The following NAXE variants were observed in gnomAD, a reference collection of about 807,000 sequenced individuals.
NAXE encodes NAD(P)HX epimerase, also known as NAD(P)H-hydrate epimerase.
In NAXE, 25 loss-of-function variants were observed where a neutral mutation model predicts 31.2. That is an observed-to-expected ratio of 0.80 (90% CI 0.58 to 1.12). The LOEUF (loss-of-function observed/expected upper bound fraction) is 1.12, where lower values mean the gene tolerates loss of function less well. Among genes scored for constraint, NAXE ranks in the 50% most tolerant of loss-of-function variants. The pLI, the probability that NAXE is intolerant of heterozygous loss-of-function variation, is 0.00. For synonymous variants in NAXE, 144 were observed against 154.5 expected (o/e 0.93, Z 0.50); for missense variants, 362 against 376.1 (o/e 0.96, Z 0.31).
chr1:156,593,088 G>A (rs1201169347), intron 4 of NAXE: 1 of 418,020 alleles, frequency 2.4e-6, no homozygotes, highest in Non-Finnish European at 4.3e-6. Flanking sequence ...CAGAGAAGTG[G>A]TTTGCTTAAA....
In NAXE at chr1:156,591,836, GGCT is replaced by G; in HGVS notation, c.37_39del (p.Leu13del). ...AGGCTGCGGGCGCTGCTGGGCCTCG[GGCT>G]GCTGGTTGCGGGCTCGCGCGTGCCG... is the stretch of plus-strand genomic sequence containing the variant. On this transcript the variant is annotated inframe_deletion, in exon 1 of 6. Coordinates refer to ENST00000368235, the MANE Select transcript of NAXE (RefSeq NM_144772.3). The G allele has an allele frequency of 6.2e-7, 1 of 1,608,554 alleles. No homozygotes were observed. Among genetic ancestry groups the G allele is most frequent in the Non-Finnish European group, 8.5e-7 (1 of 1,179,144 alleles).
At chr1:156,592,898 C>A in intron 4 of NAXE, 1 of 554,832 alleles carries the variant, frequency 1.8e-6, no homozygotes, top group Non-Finnish European at 3.2e-6. Context: ...CTCCCTGGTC[C>A]CTCCTTCCAC....
In NAXE at chr1:156,594,157, G is replaced by T; in HGVS notation, c.*73G>T. ...CTTCCAGAACTGTGGATTCCTGGGA[G>T]CTCCTCTGGCAATAAAAGTCAGTGA... On this transcript the variant is annotated 3_prime_UTR_variant, in exon 6 of 6. Transcript: ENST00000368235. 1 of 1,503,178 alleles carries T rather than the reference G, an allele frequency of 6.7e-7. No homozygotes were observed. Among genetic ancestry groups the T allele is most frequent in the Non-Finnish European group, 9.2e-7 (1 of 1,091,528 alleles). 93.1% of individuals were successfully genotyped at this position (1,503,178 alleles called of 1,614,324 possible).
intron 4 of NAXE, 151 bp downstream of exon 4, chr1:156,592,821 C>T (rs1209021681): frequency 4.4e-6 from 3 of 682,166 alleles, no homozygotes; most frequent in African/African-American, 1.8e-5. Flanking sequence ...GAGCCTTCTC[C>T]TCCTTCATAA....
rs748324079 is a variant in NAXE at position 156,592,334 on chromosome 1, C to A, written c.292-31C>A. The A allele has an allele frequency of 2.5e-6, 4 of 1,610,768 alleles. No individual in the cohort carries two copies. The Admixed American group carries it at 6.7e-5, about 27-fold the overall frequency. On this transcript the variant is annotated intron_variant, in intron 2 of 5. Transcript: ENST00000368235. Reference sequence around the variant, plus strand: ...AATATGGTCTATTACCGCCTGAAACCCCGCCGAACCACCCTTGACTCTGCC... The same window carrying A: ...AATATGGTCTATTACCGCCTGAAACACCGCCGAACCACCCTTGACTCTGCC...
At chr1:156,592,785 C>CG in intron 4 of NAXE, 115 bp downstream of exon 4, 1 of 950,844 alleles carries the variant, frequency 1.1e-6, no homozygotes, top group Non-Finnish European at 1.6e-6. Flanking sequence ...AGGTGCCTAA[C>CG]GGATGGTATT....
In NAXE at chr1:156,592,105, G is replaced by A. The variant is rs763337073; in HGVS notation, c.187G>A (p.Glu63Lys). 5.9e-5 allele frequency: 95 copies of A among 1,614,136 alleles called. No individual in the cohort carries two copies. The highest frequency in any genetic ancestry group is 7.7e-5 in the Non-Finnish European group (91 of 1,180,048). Residue 63 changes from glutamate (E) to lysine (K), a missense_variant, in exon 2 of 6, where the codon GAG (glutamate) becomes AAG (lysine). Transcript: ENST00000368235. Reference protein sequence around the residue: ...ASTVVKYLSQEEAQAVDQELF... With the variant: ...ASTVVKYLSQKEAQAVDQELF... Reference sequence around the variant, plus strand: ...CAGGCCGCGGGTTTTCCTCAGCCAGGAGGAGGCCCAGGCCGTGGACCAGGA... The same window carrying A: ...CAGGCCGCGGGTTTTCCTCAGCCAGAAGGAGGCCCAGGCCGTGGACCAGGA...
chr1:156,592,525 G>A, intron 3 of NAXE, 32 bp from the exon 4 acceptor site: 1 of 1,613,568 alleles, frequency 6.2e-7, no homozygotes, highest in Non-Finnish European at 8.5e-7. Context: ...AGGGCTCTGG[G>A]ATCTGGGGTT....
rs748616022 is a variant in NAXE, at chr1:156,593,408, C to A, written c.517C>A (p.Pro173Thr). 2.9e-5 allele frequency: 46 copies of A among 1,613,140 alleles called. No homozygotes were observed. Among genetic ancestry groups the A allele is most frequent in the Non-Finnish European group, 3.6e-5 (43 of 1,179,492 alleles). ...ACATCCTTTTCCTGCTCCACCACAG[C>A]CCATGACGATTGATGAACTGTATGA... ...IPFLGEMPAE[P>T]MTIDELYELV... The change falls in exon 5 of 6, where the codon CCC becomes ACC. Residue 173 changes from proline to threonine, a missense_variant and splice_region_variant. Pro to Thr is a conservative substitution (Grantham distance 38). Coordinates refer to ENST00000368235, the MANE Select transcript of NAXE (RefSeq NM_144772.3).
At chr1:156,592,758 T>G in intron 4 of NAXE, 88 bp downstream of exon 4, 1 of 1,248,242 alleles carries the variant, frequency 8.0e-7, no homozygotes, top group Non-Finnish European at 1.1e-6. Context: ...TGAGCTCATT[T>G]TAGTGCCTGG....
At chr1:156,593,675 A>T (rs777130815) in intron 5 of NAXE, 120 bp downstream of exon 5, 10 of 1,456,988 alleles carry the variant, frequency 6.9e-6, no homozygotes, top group Non-Finnish European at 9.4e-6. Flanking sequence ...CTGGACCCCC[A>T]TCAGGGCTGG....
rs1677358087 is a variant in NAXE at position 156,592,478 on chromosome 1, G to T, written c.402+3G>T. 6.2e-7 allele frequency: 1 copy of T among 1,613,806 alleles called. No homozygotes were observed. The highest frequency in any genetic ancestry group is 1.3e-5 in the African/African-American group (1 of 74,908). ...GTGCTCGACACCTCAAACTCTTTGT[G>T]AGTATGTGGGGAGGGGCTGTGGGGG... On this transcript the variant is annotated splice_donor_region_variant and intron_variant, in intron 3 of 5. Coordinates refer to ENST00000368235, the MANE Select transcript of NAXE (RefSeq NM_144772.3).
Position 156,593,986 on chromosome 1 carries a change from T to A in NAXE, c.769T>A (p.Tyr257Asn). ...SATQFTGRYH[Y>N]LGGRFVPPAL... is the part of the protein sequence containing the mutation. ...AACCCAGTTTACCGGTCGCTACCAT[T>A]ACCTGGGGGGTCGTTTTGTGCCACC... The change falls in exon 6 of 6, where the codon TAC (tyrosine) becomes AAC (asparagine). Residue 257 changes from tyrosine (Y) to asparagine (N), a missense_variant. Coordinates refer to ENST00000368235, the MANE Select transcript of NAXE (RefSeq NM_144772.3). The A allele has an allele frequency of 6.2e-7, 1 of 1,614,194 alleles. No homozygotes were observed. The highest frequency in any genetic ancestry group is 1.1e-5 in the South Asian group (1 of 91,088).
At position 156,591,814 on chromosome 1, in the gene NAXE, C is replaced by T. The variant is rs756633275; in HGVS notation, c.10C>T (p.Leu4=). The change falls in exon 1 of 6, where the codon CTG becomes TTG. Residue 4 remains leucine (L), a synonymous_variant. Transcript: ENST00000368235. MSR[L]RALLGLGLLV... is the part of the protein sequence containing the mutation. ...GCGCTCTGCGAGCTGGATGTCCAGGCTGCGGGCGCTGCTGGGCCTCGGGCT... is the reference window on the plus strand; with the variant it reads ...GCGCTCTGCGAGCTGGATGTCCAGGTTGCGGGCGCTGCTGGGCCTCGGGCT... 7 of 1,597,856 alleles carry T rather than the reference C, an allele frequency of 4.4e-6. No homozygotes were observed. Among genetic ancestry groups the T allele is most frequent in the African/African-American group, 1.3e-5 (1 of 74,158 alleles).
Position 156,592,581 on chromosome 1 carries a change from C to T in NAXE, c.427C>T (p.Pro143Ser). Residue 143 changes from proline (P) to serine (S), a missense_variant, in exon 4 of 6, where the codon CCC becomes TCC. Physicochemically the swap from Pro to Ser is moderately conservative, Grantham distance 74 (BLOSUM62 -1). Transcript: ENST00000368235. ...GGGCTACGAGCCAACCATCTATTAC[C>T]CCAAAAGGCCTAACAAGCCCCTCTT... ...LFGYEPTIYY[P>S]KRPNKPLFTA... is the part of the protein sequence containing the mutation. The T allele has an allele frequency of 6.2e-7, 1 of 1,614,128 alleles. No individual in the cohort carries two copies. The highest frequency in any genetic ancestry group is 8.5e-7 in the Non-Finnish European group (1 of 1,180,006).
At chr1:156,593,616 C>A in intron 5 of NAXE, 61 bp downstream of exon 5, 1 of 1,601,980 alleles carries the variant, frequency 6.2e-7, no homozygotes. Context: ...GACTCTTGCC[C>A]ACACCAGGTC....
chr1:156,594,282 T>A lies in NAXE; in HGVS notation c.*198T>A, dbSNP rs377459236. 2.8e-4 allele frequency: 166 copies of A among 601,526 alleles called. 1 individual carries two copies. Among genetic ancestry groups the A allele is most frequent in the Admixed American group, 1.6e-3 (53 of 33,480 alleles). The allele number at this position is 601,526 out of a possible 1,614,324, so 37.3% of individuals were successfully genotyped here. ...CTATGGTATTTGGAAACAATGAAAA[T>A]GGACTGTTAGATGCCAAGTGAGTTG... On this transcript the variant is annotated 3_prime_UTR_variant, in exon 6 of 6. Transcript: ENST00000368235.
chr1:156,593,818 G>A, intron 5 of NAXE, 64 bp from the exon 6 acceptor site: 1 of 1,557,368 alleles, frequency 6.4e-7, no homozygotes, highest in Admixed American at 1.7e-5. Flanking sequence ...TGGGACTAGG[G>A]TAAACTAAGG....
At chr1:156,593,805 C>T in intron 5 of NAXE, 77 bp from the exon 6 acceptor site, 3 of 1,518,068 alleles carry the variant, frequency 2.0e-6, no homozygotes, top group African/African-American at 1.4e-5. Context: ...CTTCCCACTC[C>T]TCTGGGACTA....
Sources: allele counts gnomAD v4.1 joint callset, GRCh38; gene constraint gnomAD v4.1.1; transcripts MANE v1.5; gene names NCBI Gene and HGNC (gene_info 2026-07-23, HGNC 2026-07-21).